NKAIN2: variants seen among roughly 807,000 people sequenced by gnomAD.
The protein encoded by NKAIN2 is sodium/potassium-transporting ATPase subunit beta-1-interacting protein 2.
Under a neutral mutation model 32.6 loss-of-function variants are expected in NKAIN2, and 14 were observed. The ratio of observed to expected loss-of-function variants is 0.43; its 90% CI spans 0.28 to 0.67. The LOEUF is 0.67. Among genes scored for constraint, NKAIN2 ranks in the 30% least tolerant of loss-of-function variants. The pLI is 0.17. For synonymous variants in NKAIN2, 80 were observed against 87.2 expected (o/e 0.92, Z 0.46); for missense variants, 198 against 258.3 (o/e 0.77, Z 1.60).
Position 124,397,191 on chromosome 6 carries a change from T to G in NKAIN2, c.273+41844T>G, listed in dbSNP as rs542421977. On this transcript the variant is annotated intron_variant, in intron 3 of 6. Transcript: ENST00000368417. ...ATAATGATGGTTTTAACATTTATAGTGTAGTGTTCCTGCTTTGAAATTTTG... is the reference window on the plus strand; with the variant it reads ...ATAATGATGGTTTTAACATTTATAGGGTAGTGTTCCTGCTTTGAAATTTTG... 8.5e-5 allele frequency among the ~76,000 whole-genome samples: 13 copies of G among 152,110 alleles called. No individual in the cohort carries two copies. The East Asian group carries it at 1.9e-3, about 23-fold the overall frequency.
chr6:124,079,286 C>A (rs916024753), intron 1 of NKAIN2, among the ~76,000 whole-genome samples: 1 of 152,106 alleles, frequency 6.6e-6, no homozygotes, highest in Non-Finnish European at 1.5e-5. Flanking sequence ...CCACTACACT[C>A]CAGCCTGGGC....
chr6:124,118,682 G>A (rs531111129), intron 1 of NKAIN2, among the ~76,000 whole-genome samples: 42 of 152,242 alleles, frequency 2.8e-4, no homozygotes, highest in African/African-American at 8.9e-4. Flanking sequence ...TTATAAAACA[G>A]TGATCATCTG....
chr6:124,191,317 T>C (rs2114587865), intron 1 of NKAIN2, among the ~76,000 whole-genome samples: 1 of 152,228 alleles, frequency 6.6e-6, no homozygotes, highest in Non-Finnish European at 1.5e-5. Flanking sequence ...TGTGTATAGG[T>C]CTTGCACATC....
chr6:124,461,930 A>G (rs1028343427), intron 3 of NKAIN2, among the ~76,000 whole-genome samples: 3 of 151,784 alleles, frequency 2.0e-5, no homozygotes, highest in African/African-American at 7.2e-5. Context: ...AAAAAAAGAA[A>G]AGAAGAATAG....
chr6:124,536,481 T>G (rs190214778), intron 3 of NKAIN2, among the ~76,000 whole-genome samples: 20 of 152,198 alleles, frequency 1.3e-4, no homozygotes, highest in African/African-American at 4.3e-4. Context: ...ATGCCCTCAG[T>G]CTTTGCTACC....
intron 1 of NKAIN2, among the ~76,000 whole-genome samples, chr6:123,881,273 C>A (rs1469333235): frequency 6.6e-6 from 1 of 152,110 alleles, no homozygotes; most frequent in Non-Finnish European, 1.5e-5. Flanking sequence ...CCGCCCACCT[C>A]GGCCTCCCAA....
chr6:124,273,850 C>A (rs117434427), intron 1 of NKAIN2, among the ~76,000 whole-genome samples: 1 of 152,086 alleles, frequency 6.6e-6, no homozygotes, highest in Non-Finnish European at 1.5e-5. Flanking sequence ...GTTAAATGGA[C>A]GCATTATATT....
chr6:123,830,358 C>A (rs958325281), intron 1 of NKAIN2, among the ~76,000 whole-genome samples: 2 of 152,110 alleles, frequency 1.3e-5, no homozygotes, highest in East Asian at 3.9e-4. Flanking sequence ...TTGCTCTAGG[C>A]GTAAAGGCAA....
At chr6:124,615,569 C>G (rs756737324) in intron 3 of NKAIN2, among the ~76,000 whole-genome samples, 4 of 152,136 alleles carry the variant, frequency 2.6e-5, no homozygotes, top group Non-Finnish European at 2.9e-5. Context: ...TTGGAACTAG[C>G]ATACAGGATT....
At chr6:124,518,724 A>G in intron 3 of NKAIN2, among the ~76,000 whole-genome samples, 1 of 152,184 alleles carries the variant, frequency 6.6e-6, no homozygotes, top group South Asian at 2.1e-4. Flanking sequence ...TCTATCAACA[A>G]GTTACAACAC....
chr6:124,094,150 C>A (rs1784549647), intron 1 of NKAIN2, among the ~76,000 whole-genome samples: 1 of 152,102 alleles, frequency 6.6e-6, no homozygotes, highest in Non-Finnish European at 1.5e-5. Flanking sequence ...ATACAGATAT[C>A]TTCTCCTCTT....
At chr6:124,423,404 T>C (rs1360648362) in intron 3 of NKAIN2, among the ~76,000 whole-genome samples, 2 of 152,188 alleles carry the variant, frequency 1.3e-5, no homozygotes, top group South Asian at 4.1e-4. Flanking sequence ...GTTCTCCATA[T>C]GTAAAATGTA....
chr6:123,893,126 G>C (rs1774099867), intron 1 of NKAIN2, among the ~76,000 whole-genome samples: 1 of 152,024 alleles, frequency 6.6e-6, no homozygotes, highest in Admixed American at 6.6e-5. Flanking sequence ...ATGATGACTT[G>C]CTCCACGAAC....
chr6:124,459,414 G>A (rs1054030592), intron 3 of NKAIN2, among the ~76,000 whole-genome samples: 5 of 151,910 alleles, frequency 3.3e-5, no homozygotes, highest in Admixed American at 2.0e-4. Context: ...GCATATCTTT[G>A]TCATACTACC....
chr6:124,493,861 A>T (rs893812562), intron 3 of NKAIN2, among the ~76,000 whole-genome samples: 1 of 151,928 alleles, frequency 6.6e-6, no homozygotes, highest in Non-Finnish European at 1.5e-5. Context: ...CCCTTACTTC[A>T]AAAGAAACCA....
intron 1 of NKAIN2, among the ~76,000 whole-genome samples, chr6:124,140,254 A>G (rs1787068722): frequency 6.6e-6 from 1 of 152,250 alleles, no homozygotes. Flanking sequence ...TATGGCATTA[A>G]GAATTATGCA....
At chr6:124,658,121 A>G (rs1402362497) in intron 3 of NKAIN2, 65 bp from the exon 4 acceptor site, 2 of 1,265,886 alleles carry the variant, frequency 1.6e-6, no homozygotes, top group Non-Finnish European at 2.2e-6. Context: ...AAAGCAAGTC[A>G]GTCCCAAGTA....
intron 3 of NKAIN2, among the ~76,000 whole-genome samples, chr6:124,539,775 C>T (rs528947199): frequency 2.8e-4 from 42 of 152,192 alleles, no homozygotes; most frequent in African/African-American, 9.9e-4. Context: ...GGCTGGAGTG[C>T]AGTGGCGTGA....
At chr6:124,023,940 A>C (rs567488790) in intron 1 of NKAIN2, among the ~76,000 whole-genome samples, 1 of 152,180 alleles carries the variant, frequency 6.6e-6, no homozygotes, top group Non-Finnish European at 1.5e-5. Flanking sequence ...GGATTGATAT[A>C]GAAAAATCGT....
Sources: allele counts gnomAD v4.1 joint callset (sites outside exome capture counted in the v4.1 genomes callset), GRCh38; gene constraint gnomAD v4.1.1; transcripts MANE v1.5; gene names NCBI Gene and HGNC (gene_info 2026-07-23, HGNC 2026-07-21).